Variants in TIAM1 observed in about 807,000 individuals in gnomAD.
TIAM1 encodes the protein TIAM Rac1 associated GEF 1.
Under a neutral mutation model 163.5 loss-of-function variants are expected in TIAM1, and 65 were observed. That is an observed-to-expected ratio of 0.40 (90% CI 0.33 to 0.49). TIAM1 has a LOEUF of 0.49. Among genes scored for constraint, TIAM1 ranks in the 20% least tolerant of loss-of-function variants. TIAM1 has a pLI of 0.77. For synonymous variants in TIAM1, 833 were observed against 810.1 expected (o/e 1.03, Z -0.48); for missense variants, 1,789 against 2,044.7 (o/e 0.87, Z 2.41).
intron 2 of TIAM1, among the ~76,000 whole-genome samples, chr21:31,287,990 T>C (rs989287679): frequency 2.0e-5 from 3 of 152,052 alleles, no homozygotes; most frequent in Non-Finnish European, 2.9e-5. Context: ...GGTGGCCACA[T>C]ACATCCTTTG....
At chr21:31,293,499 T>C (rs2074112126) in intron 2 of TIAM1, among the ~76,000 whole-genome samples, 1 of 152,140 alleles carries the variant, frequency 6.6e-6, no homozygotes, top group Non-Finnish European at 1.5e-5. Context: ...ACAGACTTTT[T>C]CTCCAGTGCC....
chr21:31,210,829 C>T (rs1206420332), intron 10 of TIAM1, among the ~76,000 whole-genome samples: 2 of 145,080 alleles, frequency 1.4e-5, no homozygotes, highest in Non-Finnish European at 3.1e-5. Flanking sequence ...CCATTCAGCT[C>T]AGCTTTATGG....
At position 31,296,737 on chromosome 21, in the gene TIAM1, T is replaced by C. The variant is rs532985423; in HGVS notation, c.-188-19829A>G. ...GGAGTGCAGTGGTGCGATCTCAGCT[T>C]ACTGCAACCTCTGCCTCCTGGGTTC... is the stretch of plus-strand genomic sequence containing the variant. On this transcript the variant is annotated intron_variant, in intron 2 of 27. Coordinates refer to ENST00000541036, the MANE Select transcript of TIAM1 (RefSeq NM_001353694.2). Among the ~76,000 whole-genome samples, 108 of 152,046 alleles carry C rather than the reference T, an allele frequency of 7.1e-4. 1 individual carries two copies. In the South Asian group the frequency reaches 0.011, roughly 15 times the overall value.
intron 1 of TIAM1, among the ~76,000 whole-genome samples, chr21:31,466,770 C>T (rs973644250): frequency 1.3e-5 from 2 of 152,144 alleles, no homozygotes; most frequent in African/African-American, 2.4e-5. Flanking sequence ...CGTATAATTG[C>T]GCTTTTTTGC....
intron 1 of TIAM1, among the ~76,000 whole-genome samples, chr21:31,524,317 G>A (rs1273359900): frequency 6.6e-6 from 1 of 152,140 alleles, no homozygotes; most frequent in East Asian, 1.9e-4. Context: ...GCAAGAGAGA[G>A]TAGAGGGAGG....
At chr21:31,262,472 T>C (rs2072533868) in intron 4 of TIAM1, among the ~76,000 whole-genome samples, 1 of 152,248 alleles carries the variant, frequency 6.6e-6, no homozygotes, top group Non-Finnish European at 1.5e-5. Flanking sequence ...CATGAGGCTT[T>C]ACTCATACTG....
At position 31,120,352 on chromosome 21, in the gene TIAM1, G is replaced by A. The variant is rs111620734; in HGVS notation, c.*16C>T. 22,321 of 1,589,480 alleles carry A rather than the reference G, an allele frequency of 0.014. 195 individuals are homozygous for A. The highest frequency in any genetic ancestry group is 0.016 in the Non-Finnish European group (19,044 of 1,167,070). ...GGAAGTATCTACACACATTCTCTAC[G>A]GGGCAGGTGACGCAGTCAGATCTCA... On this transcript the variant is annotated 3_prime_UTR_variant, in exon 28 of 28. Coordinates refer to ENST00000541036, the MANE Select transcript of TIAM1 (RefSeq NM_001353694.2). The surrounding 1 kb of genome is among the most constrained non-coding windows in gnomAD (Gnocchi z 4.2).
Position 31,251,874 on chromosome 21 carries a change from G to A in TIAM1, c.1279C>T (p.Leu427=), listed in dbSNP as rs1467605064. 1.2e-6 allele frequency: 2 copies of A among 1,613,884 alleles called. No homozygotes were observed. Among genetic ancestry groups the A allele is most frequent in the African/African-American group, 1.3e-5 (1 of 75,052 alleles). Residue 427 remains leucine (L), a synonymous_variant, in exon 5 of 28, where the codon CTG becomes TTG. Transcript: ENST00000541036. ...CGCACCGTGCCCTGTGCGGCGGTCA[G>A]CAGGATGTCCGACTGGCCCGGAGAG... is the stretch of plus-strand genomic sequence containing the variant. ...LSSPGQSDIL[L]TAAQGTVRKA...
rs372773086 is a variant in TIAM1, at chr21:31,539,423, A to G, written c.-422+19504T>C. Reference sequence around the variant, plus strand: ...TGGGACTACAGGCGCCCACCACCACACCCGGCTAATTTTTTGTATTTTTAG... The same window carrying G: ...TGGGACTACAGGCGCCCACCACCACGCCCGGCTAATTTTTTGTATTTTTAG... On this transcript the variant is annotated intron_variant, in intron 1 of 28. Coordinates refer to the TIAM1 transcript ENST00000286827. 3.3e-3 allele frequency among the ~76,000 whole-genome samples: 495 copies of G among 150,246 alleles called. 29 individuals carry two copies. Among genetic ancestry groups the G allele is most frequent in the African/African-American group, 0.012 (481 of 40,120 alleles).
intron 2 of TIAM1, among the ~76,000 whole-genome samples, chr21:31,365,971 C>T (rs2076498352): frequency 6.6e-6 from 1 of 151,270 alleles, no homozygotes; most frequent in African/African-American, 2.4e-5. Context: ...ACCTATAGTC[C>T]CAGCTACTCA....
intron 1 of TIAM1, among the ~76,000 whole-genome samples, chr21:31,488,829 G>A (rs937006890): frequency 2.0e-5 from 3 of 151,830 alleles, no homozygotes; most frequent in African/African-American, 7.3e-5. Context: ...AGGGAGAGGA[G>A]GAAAGAGGAG....
chr21:31,426,548 T>C (rs2043801962), intron 2 of TIAM1, among the ~76,000 whole-genome samples: 1 of 152,314 alleles, frequency 6.6e-6, no homozygotes, highest in South Asian at 2.1e-4. Context: ...AAATATAAAA[T>C]AGGACTTAAA....
intron 2 of TIAM1, among the ~76,000 whole-genome samples, chr21:31,394,732 A>T (rs58365484): frequency 0.4 from 30,625 of 76,704 alleles, 3,885 homozygotes; most frequent in African/African-American, 0.49. Flanking sequence ...TCTCTCTCAC[A>T]CACACACACA....
At chr21:31,385,784 A>G (rs1027641149) in intron 2 of TIAM1, among the ~76,000 whole-genome samples, 5 of 148,032 alleles carry the variant, frequency 3.4e-5, no homozygotes, top group Non-Finnish European at 6.0e-5. Flanking sequence ...AAATATGTAT[A>G]TATAATAAAT....
chr21:31,332,718 G>A (rs2075715458), intron 2 of TIAM1, among the ~76,000 whole-genome samples: 1 of 150,732 alleles, frequency 6.6e-6, no homozygotes, highest in South Asian at 2.1e-4. Flanking sequence ...ACCACCACCA[G>A]GGAACTCGCG....
At chr21:31,411,810 C>T (rs1036024256) in intron 2 of TIAM1, among the ~76,000 whole-genome samples, 5 of 152,050 alleles carry the variant, frequency 3.3e-5, no homozygotes, top group East Asian at 1.9e-4. Flanking sequence ...AGATGACAGG[C>T]GGGATCTGGC....
chr21:31,513,408 C>G lies in TIAM1; in HGVS notation c.-422+45519G>C, dbSNP rs1198336122. On this transcript the variant is annotated intron_variant, in intron 1 of 28. Transcript: ENST00000286827. ...ATCAATTTTCTCACTATCTCAGGTG[C>G]CCCTGTTCGCTATTAAGCGAACTTC... is the stretch of plus-strand genomic sequence containing the variant. Among the ~76,000 whole-genome samples the G allele has an allele frequency of 2.6e-5, 4 of 152,252 alleles. 1 individual carries two copies. The highest frequency in any genetic ancestry group is 7.2e-5 in the African/African-American group (3 of 41,558).
At chr21:31,445,734 T>C (rs1334728752) in intron 2 of TIAM1, among the ~76,000 whole-genome samples, 1 of 152,116 alleles carries the variant, frequency 6.6e-6, no homozygotes, top group Non-Finnish European at 1.5e-5. Flanking sequence ...CAACCATTGT[T>C]TCCTGGATCG....
intron 10 of TIAM1, among the ~76,000 whole-genome samples, chr21:31,210,639 A>AGCG: frequency 3.8e-5 from 1 of 26,394 alleles, no homozygotes; most frequent in Admixed American, 3.6e-4. Context: ...GAAAGAAAGA[A>AGCG]AGAAAGAAAG....
Sources: gnomAD v4.1 joint callset for allele counts (sites outside exome capture counted in the v4.1 genomes callset) on GRCh38, gnomAD v4.1.1 for gene constraint, Gnocchi (gnomAD v3.1) non-coding constraint, MANE v1.5 for transcripts, NCBI Gene and HGNC (gene_info 2026-07-23, HGNC 2026-07-21) for gene names.